Variants in ADAMTS19 observed in about 807,000 individuals in gnomAD.
ADAMTS19 encodes the protein A disintegrin and metalloproteinase with thrombospondin motifs 19.
A neutral mutation model predicts 153.3 loss-of-function variants in ADAMTS19; 93 were observed. The ratio of observed to expected loss-of-function variants is 0.61; its 90% CI spans 0.51 to 0.72. The LOEUF (loss-of-function observed/expected upper bound fraction) is 0.72. Ranked by LOEUF, ADAMTS19 falls within the 30% of genes least tolerant of loss-of-function variation. The pLI is 0.00. For synonymous variants in ADAMTS19, 600 were observed against 556.6 expected, an observed-to-expected ratio of 1.08 and a Z score of -1.10; for missense variants, 1,482 against 1,552.1, an observed-to-expected ratio of 0.95 and a Z score of 0.76.
intron 7 of ADAMTS19, among the ~76,000 whole-genome samples, chr5:129,587,250 GTC>G (rs1432124246): frequency 1.3e-5 from 2 of 151,216 alleles, no homozygotes; most frequent in South Asian, 4.2e-4. Context: ...AATCAAGAAT[GTC>G]TGTTTGATTT....
intron 14 of ADAMTS19, among the ~76,000 whole-genome samples, chr5:129,655,320 A>G (rs1030109412): frequency 6.6e-6 from 1 of 152,196 alleles, no homozygotes; most frequent in Non-Finnish European, 1.5e-5. Context: ...TTGTTTGGAT[A>G]CAAGCTGCCC....
At chr5:129,498,229 T>C (rs1393044356) in intron 2 of ADAMTS19, among the ~76,000 whole-genome samples, 1 of 152,106 alleles carries the variant, frequency 6.6e-6, no homozygotes, top group Non-Finnish European at 1.5e-5. Flanking sequence ...CCAACAAGTC[T>C]TGTGTCTCTC....
intron 3 of ADAMTS19, among the ~76,000 whole-genome samples, chr5:129,510,318 C>A (rs1202267048): frequency 6.6e-6 from 1 of 151,634 alleles, no homozygotes; most frequent in African/African-American, 2.4e-5. Flanking sequence ...TAATATATTT[C>A]TATTTAGAAT....
intron 14 of ADAMTS19, among the ~76,000 whole-genome samples, chr5:129,655,789 T>C (rs1203438418): frequency 6.6e-6 from 1 of 152,180 alleles, no homozygotes; most frequent in Non-Finnish European, 1.5e-5. Context: ...AGCTCTGAGA[T>C]TCCATATTTT....
intron 7 of ADAMTS19, among the ~76,000 whole-genome samples, chr5:129,576,596 T>C (rs1355746088): frequency 6.6e-6 from 1 of 152,058 alleles, no homozygotes; most frequent in Non-Finnish European, 1.5e-5. Flanking sequence ...CTTTTTTTTT[T>C]TTTTAGTTAA....
intron 17 of ADAMTS19, among the ~76,000 whole-genome samples, chr5:129,683,493 A>G (rs1354628902): frequency 6.6e-6 from 1 of 152,158 alleles, no homozygotes; most frequent in African/African-American, 2.4e-5. Context: ...AAAACAATAT[A>G]TACTACAAGT....
At chr5:129,723,617 A>G (rs752485304) in intron 21 of ADAMTS19, among the ~76,000 whole-genome samples, 36 of 152,204 alleles carry the variant, frequency 2.4e-4, no homozygotes, top group Non-Finnish European at 5.0e-4. Context: ...ATTTAATATA[A>G]TCTTAGACAT....
At chr5:129,664,306 G>T (rs1490779448) in intron 15 of ADAMTS19, among the ~76,000 whole-genome samples, 1 of 152,022 alleles carries the variant, frequency 6.6e-6, no homozygotes, top group Non-Finnish European at 1.5e-5. Context: ...GCTCACTGAG[G>T]GTAGAGATCA....
chr5:129,532,284 A>G (rs1752233536), intron 6 of ADAMTS19, among the ~76,000 whole-genome samples: 1 of 152,230 alleles, frequency 6.6e-6, no homozygotes, highest in Admixed American at 6.5e-5. Flanking sequence ...ATGTGTGTAT[A>G]TACACATATA....
chr5:129,510,868 T>G (rs1751419659), intron 3 of ADAMTS19, among the ~76,000 whole-genome samples: 1 of 150,468 alleles, frequency 6.6e-6, no homozygotes, highest in Non-Finnish European at 1.5e-5. Context: ...TATATATATA[T>G]ATATATATAT....
chr5:129,482,063 C>T (rs995580819), intron 2 of ADAMTS19, among the ~76,000 whole-genome samples: 2 of 152,034 alleles, frequency 1.3e-5, no homozygotes, highest in African/African-American at 4.8e-5. Context: ...CACTGCTTTC[C>T]CAAAAAATAG....
rs76902456 is a variant in ADAMTS19 at position 129,554,046 on chromosome 5, G to A, written c.1372+2139G>A. On this transcript the variant is annotated intron_variant, in intron 7 of 22. Transcript: ENST00000274487. Reference sequence around the variant, plus strand: ...CCACTATTTACATAGCACTTATCTTGTAAGTGCTAGGTATTATATTAGGTA... The same window carrying A: ...CCACTATTTACATAGCACTTATCTTATAAGTGCTAGGTATTATATTAGGTA... 2.8e-4 allele frequency among the ~76,000 whole-genome samples: 42 copies of A among 152,206 alleles called. No homozygotes were observed. In the East Asian group the frequency reaches 8.1e-3, roughly 29 times the overall value.
chr5:129,538,474 T>A (rs1266617493), intron 6 of ADAMTS19, among the ~76,000 whole-genome samples: 9 of 152,114 alleles, frequency 5.9e-5, no homozygotes, highest in Admixed American at 5.9e-4. Context: ...ATCCAATTTT[T>A]TTAGTGTTAA....
chr5:129,699,661 T>C (rs569016924), intron 19 of ADAMTS19, among the ~76,000 whole-genome samples: 10 of 152,102 alleles, frequency 6.6e-5, no homozygotes, highest in Middle Eastern at 3.4e-3. Flanking sequence ...CCAGTCCCCA[T>C]TGGTTGAATG....
intron 7 of ADAMTS19, among the ~76,000 whole-genome samples, chr5:129,579,446 G>C (rs987304771): frequency 2.6e-5 from 4 of 152,142 alleles, no homozygotes; most frequent in African/African-American, 7.2e-5. Flanking sequence ...AGATTAATTA[G>C]ATCCCATTTG....
chr5:129,587,870 G>A (rs184840634), intron 7 of ADAMTS19, among the ~76,000 whole-genome samples: 39 of 152,186 alleles, frequency 2.6e-4, no homozygotes, highest in Admixed American at 1.5e-3. Flanking sequence ...ATCAAGTCCA[G>A]CTTCTCAGTC....
intron 18 of ADAMTS19, among the ~76,000 whole-genome samples, chr5:129,690,406 G>A (rs1755280750): frequency 6.6e-6 from 1 of 152,134 alleles, no homozygotes; most frequent in African/African-American, 2.4e-5. Flanking sequence ...GTCCTTGAGT[G>A]TTATGCTAAC....
chr5:129,593,160 C>T (rs1750223991), intron 7 of ADAMTS19, among the ~76,000 whole-genome samples: 2 of 152,068 alleles, frequency 1.3e-5, no homozygotes, highest in Admixed American at 1.3e-4. Context: ...TTGTCACATT[C>T]CTCCTGTTCC....
intron 6 of ADAMTS19, among the ~76,000 whole-genome samples, chr5:129,535,118 C>G (rs1002336671): frequency 2.6e-5 from 4 of 152,140 alleles, no homozygotes; most frequent in Non-Finnish European, 5.9e-5. Flanking sequence ...AAGAGGAAGT[C>G]AAATTGTCCC....
Sources: allele counts gnomAD v4.1 joint callset (sites outside exome capture counted in the v4.1 genomes callset), GRCh38; gene constraint gnomAD v4.1.1; transcripts MANE v1.5; gene names NCBI Gene and HGNC (gene_info 2026-07-23, HGNC 2026-07-21).